The following SH3BGR variants were observed in gnomAD, a reference collection of about 807,000 sequenced individuals.
SH3BGR encodes SH3 domain binding glutamate rich protein, also known as SH3 domain-binding glutamic acid-rich protein.
SH3BGR carries 29 observed loss-of-function variants against 24.5 expected under a neutral mutation model. The ratio of observed to expected loss-of-function variants is 1.18; its 90% CI spans 0.88 to 1.61. SH3BGR has a LOEUF of 1.61. Among genes scored for constraint, SH3BGR ranks in the 40% most tolerant of loss-of-function variants. SH3BGR has a pLI of 0.00. For synonymous variants in SH3BGR, 55 were observed against 65.7 expected, an observed-to-expected ratio of 0.84 and a Z score of 0.79; for missense variants, 162 against 205.8, an observed-to-expected ratio of 0.79 and a Z score of 1.30.
intron 3 of SH3BGR, among the ~76,000 whole-genome samples, chr21:39,478,310 A>T (rs1329934786): frequency 2.6e-5 from 4 of 152,284 alleles, no homozygotes; most frequent in African/African-American, 9.6e-5. Flanking sequence ...TCCAGGCTGG[A>T]CGTTGCTGCA....
chr21:39,511,665 T>G lies in SH3BGR; in HGVS notation c.436-15T>G. 1 of 1,607,870 alleles carries G rather than the reference T, an allele frequency of 6.2e-7. No individual in the cohort carries two copies. The highest frequency in any genetic ancestry group is 1.1e-5 in the South Asian group (1 of 90,246). On this transcript the variant is annotated splice_polypyrimidine_tract_variant and intron_variant, in intron 5 of 6. Transcript: ENST00000333634. The surrounding 1 kb of genome is among the most constrained non-coding windows in gnomAD (Gnocchi z 4.2). ...TTATGCTTCTTAATACTAATGTAAG[T>G]TTTGTTAAAATAAGACGGAAGAAAT... is the stretch of plus-strand genomic sequence containing the variant.
At chr21:39,450,606 CAGAG>C (rs374113904), upstream of SH3BGR, among the ~76,000 whole-genome samples, 2 of 150,598 alleles carry the variant, frequency 1.3e-5, no homozygotes, top group African/African-American at 4.9e-5. Context: ...AGCCGGAGAA[CAGAG>C]AGAGAGAGAG....
At chr21:39,502,636 G>A (rs1381005644) in intron 4 of SH3BGR, among the ~76,000 whole-genome samples, 3 of 152,214 alleles carry the variant, frequency 2.0e-5, no homozygotes, top group Non-Finnish European at 4.4e-5. Context: ...TTCCAGCTGG[G>A]TGGGGTGTTT....
chr21:39,482,181 A>T (rs922421719), intron 3 of SH3BGR, among the ~76,000 whole-genome samples: 2 of 152,242 alleles, frequency 1.3e-5, no homozygotes, highest in Admixed American at 1.3e-4. Flanking sequence ...TAAAAAACAC[A>T]GAGGAAGAGG....
intron 5 of SH3BGR, among the ~76,000 whole-genome samples, chr21:39,510,909 C>CTATATATATATATATA (rs61692072): frequency 1.8e-4 from 12 of 65,858 alleles, no homozygotes; most frequent in African/African-American, 3.1e-4. Flanking sequence ...ATTCTTCTAA[C>CTATATATATATATATA]TATATATATA....
intron 5 of SH3BGR, among the ~76,000 whole-genome samples, chr21:39,510,393 GTAGCTACACACAC>G (rs2078661606): frequency 1.2e-5 from 1 of 80,310 alleles, no homozygotes; most frequent in Non-Finnish European, 2.7e-5. Context: ...CACACACACT[GTAGCTACACACAC>G]ACACACACAC....
intron 1 of SH3BGR, among the ~76,000 whole-genome samples, chr21:39,452,517 A>G (rs761288233): frequency 1.3e-5 from 2 of 152,222 alleles, no homozygotes; most frequent in Admixed American, 6.5e-5. Flanking sequence ...TACTTTGTGT[A>G]ACACTGTTTG....
At chr21:39,473,155 A>T (rs1252799483) in intron 2 of SH3BGR, among the ~76,000 whole-genome samples, 1 of 152,160 alleles carries the variant, frequency 6.6e-6, no homozygotes, top group Non-Finnish European at 1.5e-5. Context: ...GATAATGATG[A>T]ATTGTTCTTC....
At chr21:39,458,638 T>G (rs909586729) in intron 1 of SH3BGR, among the ~76,000 whole-genome samples, 15 of 148,238 alleles carry the variant, frequency 1.0e-4, no homozygotes, top group Admixed American at 2.0e-4. Flanking sequence ...GTGCCTGGCC[T>G]AAATCTCACT....
At chr21:39,448,532 T>C (rs1376039870), upstream of SH3BGR, among the ~76,000 whole-genome samples, 1 of 152,050 alleles carries the variant, frequency 6.6e-6, no homozygotes, top group Admixed American at 6.6e-5. Flanking sequence ...ACGGACAAAA[T>C]GAACTCCTGT....
intron 2 of SH3BGR, among the ~76,000 whole-genome samples, chr21:39,467,108 C>T (rs1045517522): frequency 6.6e-6 from 1 of 152,036 alleles, no homozygotes; most frequent in African/African-American, 2.4e-5. Context: ...TTTAATCATC[C>T]TTTTAAATTT....
chr21:39,477,382 T>G (rs2078044668), intron 3 of SH3BGR, among the ~76,000 whole-genome samples: 1 of 152,184 alleles, frequency 6.6e-6, no homozygotes, highest in Non-Finnish European at 1.5e-5. Flanking sequence ...GTTGTCCTCC[T>G]GCCTCAGCTT....
intron 3 of SH3BGR, chr21:39,491,570 G>T: frequency 3.6e-6 from 1 of 277,644 alleles, no homozygotes; most frequent in South Asian, 4.7e-5. Flanking sequence ...GGGGGTCGTG[G>T]GGCAGCACCC....
chr21:39,467,397 A>G (rs574818998), intron 2 of SH3BGR, among the ~76,000 whole-genome samples: 2 of 152,222 alleles, frequency 1.3e-5, no homozygotes, highest in South Asian at 2.1e-4. Flanking sequence ...AACTGTTTCT[A>G]TTCTTTTTAT....
intron 3 of SH3BGR, among the ~76,000 whole-genome samples, chr21:39,479,215 AGGTGGTAAGGGTGGTGGTGGTGGTGGT>A (rs2078078376): frequency 7.7e-6 from 1 of 129,358 alleles, no homozygotes; most frequent in South Asian, 2.5e-4. Context: ...GTGGTGGTGG[AGGTGGTAAGGGTGGTGGTGGTGGTGGT>A]GGTGGTGGTG....
rs773608722 is a variant in SH3BGR, at chr21:39,457,929, GAAAAAACAAGAAACAA to G, written c.46-4425_46-4410del. ...AACAGAGGGAGACCCTGTGTCAAAA[GAAAAAACAAGAAACAA>G]AAAAAACAAGAAACAAAAAACCCCA... On this transcript the variant is annotated intron_variant, in intron 1 of 6. Transcript: ENST00000333634. Among the ~76,000 whole-genome samples, 7 of 151,414 alleles carry G rather than the reference GAAAAAACAAGAAACAA, an allele frequency of 4.6e-5. No individual in the cohort carries two copies. In the South Asian group the frequency reaches 6.3e-4, roughly 14 times the overall value.
Position 39,461,135 on chromosome 21 carries a change from ATTTT to A in SH3BGR, c.46-1223_46-1220del, listed in dbSNP as rs56088801. On this transcript the variant is annotated intron_variant, in intron 1 of 6. Coordinates refer to ENST00000333634, the MANE Select transcript of SH3BGR (RefSeq NM_007341.3). ...CATTACAACTCATCTAGTTTTGTAG[ATTTT>A]TTTTTTTTTTTTTTTTGCGACAGTT... is the stretch of plus-strand genomic sequence containing the variant. 1.3e-3 allele frequency among the ~76,000 whole-genome samples: 165 copies of A among 127,002 alleles called. 1 individual carries two copies. The highest frequency in any genetic ancestry group is 4.2e-3 in the African/African-American group (140 of 33,040). The allele number at this position is 127,002 out of a possible 152,430, so 83.3% of individuals were successfully genotyped here. A position where few individuals can be genotyped will look rare whatever the true frequency, so the allele number is the denominator to read the frequency against.
intron 4 of SH3BGR, among the ~76,000 whole-genome samples, chr21:39,507,243 G>C (rs545179244): frequency 6.6e-6 from 1 of 152,326 alleles, no homozygotes; most frequent in South Asian, 2.1e-4. Flanking sequence ...GAAATAGGAA[G>C]GTATTGTTCT....
At chr21:39,448,727 G>A (rs540773451), upstream of SH3BGR, among the ~76,000 whole-genome samples, 34 of 152,248 alleles carry the variant, frequency 2.2e-4, no homozygotes, top group South Asian at 7.0e-3. Flanking sequence ...CAGCCAGAAG[G>A]ATGAGGGGTT....
Sources: allele counts gnomAD v4.1 joint callset (sites outside exome capture counted in the v4.1 genomes callset), GRCh38; gene constraint gnomAD v4.1.1; non-coding constraint Gnocchi (gnomAD v3.1); transcripts MANE v1.5; gene names NCBI Gene and HGNC (gene_info 2026-07-23, HGNC 2026-07-21).